NCAM1: variants seen among roughly 807,000 people sequenced by gnomAD.
The protein encoded by NCAM1 is antigen recognized by monoclonal antibody 5.1H11.
A neutral mutation model predicts 109.8 loss-of-function variants in NCAM1; 14 were observed. That is an observed-to-expected ratio of 0.13 (90% CI 0.08 to 0.20). The LOEUF is 0.20. Ranked by LOEUF, NCAM1 falls within the 10% of genes least tolerant of loss-of-function variation. The pLI, the probability that NCAM1 is intolerant of heterozygous loss-of-function variation, is 1.00. For missense variants in NCAM1, 774 were observed against 1,109.9 expected (o/e 0.70, Z 4.30); for synonymous variants, 418 against 442.9 (o/e 0.94, Z 0.70).
intron 1 of NCAM1, among the ~76,000 whole-genome samples, chr11:113,121,595 A>T: frequency 6.6e-6 from 1 of 151,728 alleles, no homozygotes; most frequent in African/African-American, 2.4e-5. Context: ...TGAGAAGAAT[A>T]ACAATGATCC....
chr11:113,226,136 G>T (rs1349212054), intron 9 of NCAM1, among the ~76,000 whole-genome samples: 1 of 152,190 alleles, frequency 6.6e-6, no homozygotes, highest in South Asian at 2.1e-4. Flanking sequence ...ACACAGACTG[G>T]CAAGTTGGAT....
rs1304601939 is a variant in NCAM1, at chr11:113,009,317, T to TTTGTTGTTGTTG, written c.52+47655_52+47656insGTTGTTGTTGTT. On this transcript the variant is annotated intron_variant, in intron 1 of 19. Transcript: ENST00000316851. ...AATTGGAAGGGTTTTTTCGGGTTTTTTTTTTTTTTTTTTTTTTTTTTTTTA... is the reference window on the plus strand; with the variant it reads ...AATTGGAAGGGTTTTTTCGGGTTTTTTTGTTGTTGTTGTTTTTTTTTTTTTTTTTTTTTTTTA... Among the ~76,000 whole-genome samples the TTTGTTGTTGTTG allele has an allele frequency of 3.4e-4, 36 of 106,860 alleles. 3 individuals carry two copies. The highest frequency in any genetic ancestry group is 1.1e-3 in the East Asian group (3 of 2,744). The allele number at this position is 106,860 out of a possible 152,430, so 70.1% of individuals were successfully genotyped here.
At chr11:113,203,406 G>C (rs1442923952) in intron 2 of NCAM1, among the ~76,000 whole-genome samples, 12 of 152,236 alleles carry the variant, frequency 7.9e-5, no homozygotes, top group Non-Finnish European at 1.2e-4. Flanking sequence ...AAGGAAGACT[G>C]CTTCATTTCC....
chr11:113,184,802 G>T (rs1217701412), intron 1 of NCAM1, among the ~76,000 whole-genome samples: 1 of 152,114 alleles, frequency 6.6e-6, no homozygotes, highest in African/African-American at 2.4e-5. Flanking sequence ...TGTGTGAGTT[G>T]TCATCCTGGG....
At chr11:113,218,630 A>G (rs1426399009) in intron 8 of NCAM1, among the ~76,000 whole-genome samples, 1 of 152,200 alleles carries the variant, frequency 6.6e-6, no homozygotes, top group Non-Finnish European at 1.5e-5. Flanking sequence ...ACCTTTGATC[A>G]TGTCTCTGTA....
intron 1 of NCAM1, among the ~76,000 whole-genome samples, chr11:113,085,267 G>C (rs1348215745): frequency 6.6e-6 from 1 of 152,194 alleles, no homozygotes; most frequent in Non-Finnish European, 1.5e-5. Context: ...TCTGTTAAGT[G>C]AGACCCGTTA....
chr11:113,192,630 C>G (rs782146352), intron 1 of NCAM1, among the ~76,000 whole-genome samples: 1 of 152,084 alleles, frequency 6.6e-6, no homozygotes, highest in Non-Finnish European at 1.5e-5. Context: ...GAGACCGGGA[C>G]AGAGCAGGCA....
At chr11:112,994,506 A>G (rs1338575725) in intron 1 of NCAM1, among the ~76,000 whole-genome samples, 1 of 152,166 alleles carries the variant, frequency 6.6e-6, no homozygotes, top group African/African-American at 2.4e-5. Context: ...CAATGAGAAG[A>G]CTTATGCCCT....
rs148340673 is a variant in NCAM1, at chr11:113,185,068, T to TTATATATATATATATATATATATA, written c.53-17299_53-17298insTATATATATATATATATATATATA. On this transcript the variant is annotated intron_variant, in intron 1 of 19. Coordinates refer to ENST00000316851, the MANE Select transcript of NCAM1 (RefSeq NM_181351.5). Reference sequence around the variant, plus strand: ...TATGTGTATGTGTGTGCATTTATATTTATATATATATAGAGAGAGAGAGAG... The same window carrying TTATATATATATATATATATATATA: ...TATGTGTATGTGTGTGCATTTATATTTATATATATATATATATATATATATATATATATATAGAGAGAGAGAGAG... Among the ~76,000 whole-genome samples the TTATATATATATATATATATATATA allele has an allele frequency of 3.0e-4, 30 of 99,594 alleles. 1 individual carries two copies. Among genetic ancestry groups the TTATATATATATATATATATATATA allele is most frequent in the African/African-American group, 1.1e-3 (27 of 24,012 alleles). The allele number at this position is 99,594 out of a possible 152,430, so 65.3% of individuals were successfully genotyped here. A position where few individuals can be genotyped will look rare whatever the true frequency, so the allele number is the denominator to read the frequency against.
chr11:113,083,205 A>G (rs1471888634), intron 1 of NCAM1, among the ~76,000 whole-genome samples: 1 of 152,136 alleles, frequency 6.6e-6, no homozygotes, highest in East Asian at 1.9e-4. Flanking sequence ...ATACACTACT[A>G]AACTCTTTAC....
intron 14 of NCAM1, among the ~76,000 whole-genome samples, chr11:113,245,423 T>C (rs1296274854): frequency 6.6e-6 from 1 of 152,202 alleles, no homozygotes; most frequent in African/African-American, 2.4e-5. Context: ...GCCTGGGTGA[T>C]GAAACGAGAC....
chr11:113,023,924 GA>G lies in NCAM1; in HGVS notation c.52+62269del, dbSNP rs566002817. Among the ~76,000 whole-genome samples the G allele has an allele frequency of 3.6e-3, 536 of 150,634 alleles. 2 individuals carry two copies. Among genetic ancestry groups the G allele is most frequent in the African/African-American group, 0.012 (488 of 41,022 alleles). On this transcript the variant is annotated intron_variant, in intron 1 of 19. Coordinates refer to ENST00000316851, the MANE Select transcript of NCAM1 (RefSeq NM_181351.5). ...TTGGTCTGATCTGCAAAAAAAAAAG[GA>G]AAAAAAAATGGTAAATCACAGACAC...
chr11:113,209,015 A>G (rs1341119063), intron 7 of NCAM1, among the ~76,000 whole-genome samples: 1 of 152,242 alleles, frequency 6.6e-6, no homozygotes, highest in African/African-American at 2.4e-5. Context: ...TCAGAACTGA[A>G]AAGCATTTTG....
chr11:113,092,830 CCT>C (rs1939414362), intron 1 of NCAM1, among the ~76,000 whole-genome samples: 1 of 152,104 alleles, frequency 6.6e-6, no homozygotes. Context: ...CTAAAGAATA[CCT>C]CTGTGTTTAG....
At chr11:113,141,475 T>A (rs980350556) in intron 1 of NCAM1, among the ~76,000 whole-genome samples, 1 of 152,028 alleles carries the variant, frequency 6.6e-6, no homozygotes, top group African/African-American at 2.4e-5. Context: ...AGTAAAAATA[T>A]CAAAAATAAA....
At chr11:113,007,596 G>A (rs1308312770) in intron 1 of NCAM1, among the ~76,000 whole-genome samples, 1 of 152,270 alleles carries the variant, frequency 6.6e-6, no homozygotes, top group Non-Finnish European at 1.5e-5. Context: ...TTTTGAAAAC[G>A]AGATGGCTTC....
rs570584663 is a variant in NCAM1, at chr11:113,105,009, C to A, written c.53-97370C>A. Among the ~76,000 whole-genome samples, 3 of 152,300 alleles carry A rather than the reference C, an allele frequency of 2.0e-5. No homozygotes were observed. The South Asian group carries it at 6.2e-4, about 32-fold the overall frequency. ...CAGTCGAAGGGAACATTAATAAAAA[C>A]CTGATTTGCCTATTGATCTGCTTCA... On this transcript the variant is annotated intron_variant, in intron 1 of 19. Coordinates refer to ENST00000316851, the MANE Select transcript of NCAM1 (RefSeq NM_181351.5).
chr11:113,233,753 C>T lies in NCAM1; in HGVS notation c.1693+436C>T, dbSNP rs2137259684. Among the ~76,000 whole-genome samples the T allele has an allele frequency of 6.6e-6, 1 of 152,300 alleles. No homozygotes were observed. Among genetic ancestry groups the T allele is most frequent in the South Asian group, 2.1e-4 (1 of 4,828 alleles). On this transcript the variant is annotated intron_variant, in intron 13 of 19. Transcript: ENST00000316851. This position sits in a 1 kb window ranked among gnomAD's most constrained non-coding sequence, Gnocchi z 4.5. ...GGCTGTCTTGTAATTGTGATAGTAA[C>T]CAAATAAGCACAGCCAGCAGGACAA...
intron 14 of NCAM1, chr11:113,240,503 T>G: frequency 2.1e-6 from 1 of 468,644 alleles, no homozygotes; most frequent in Non-Finnish European, 3.8e-6. Context: ...ACTGGATATT[T>G]GTTTTCAGTC....
Sources: gnomAD v4.1 joint callset for allele counts (sites outside exome capture counted in the v4.1 genomes callset) on GRCh38, gnomAD v4.1.1 for gene constraint, Gnocchi (gnomAD v3.1) non-coding constraint, MANE v1.5 for transcripts, NCBI Gene and HGNC (gene_info 2026-07-23, HGNC 2026-07-21) for gene names.